KIAA2012: variants seen among roughly 807,000 people sequenced by gnomAD.
The protein encoded by KIAA2012 is uncharacterized protein KIAA2012.
KIAA2012 carries 125 observed loss-of-function variants against 150.6 expected under a neutral mutation model. That is an observed-to-expected ratio of 0.83 (90% CI 0.72 to 0.96). The LOEUF is 0.96. Among genes scored for constraint, KIAA2012 ranks in the 40% least tolerant of loss-of-function variants. The pLI, the probability that KIAA2012 is intolerant of heterozygous loss-of-function variation, is 0.00. For synonymous variants in KIAA2012, 462 were observed against 504.7 expected, an observed-to-expected ratio of 0.92 and a Z score of 1.13; for missense variants, 1,219 against 1,354.9, an observed-to-expected ratio of 0.90 and a Z score of 1.57.
chr2:202,202,889 T>C (rs1425026454), intron 23 of KIAA2012, among the ~76,000 whole-genome samples: 1 of 151,238 alleles, frequency 6.6e-6, no homozygotes, highest in African/African-American at 2.4e-5. Flanking sequence ...ACGGTGCCAC[T>C]GTACTGCAGC....
intron 4 of KIAA2012, among the ~76,000 whole-genome samples, chr2:202,097,008 C>T (rs1040130098): frequency 1.4e-4 from 22 of 152,204 alleles, no homozygotes; most frequent in African/African-American, 4.8e-4. Flanking sequence ...TTGCTTCAGG[C>T]TGAGCACCTC....
intron 5 of KIAA2012, among the ~76,000 whole-genome samples, chr2:202,098,246 G>C (rs945886798): frequency 6.6e-6 from 1 of 152,184 alleles, no homozygotes; most frequent in Admixed American, 6.5e-5. Flanking sequence ...TGTAATCCCA[G>C]CTACTCAGAA....
intron 15 of KIAA2012, among the ~76,000 whole-genome samples, chr2:202,180,932 T>A (rs935468729): frequency 2.0e-5 from 3 of 152,242 alleles, no homozygotes; most frequent in Non-Finnish European, 4.4e-5. Flanking sequence ...TTTGGTTAAG[T>A]CACTTATGGT....
At chr2:202,145,753 C>T (rs1280261916) in intron 13 of KIAA2012, among the ~76,000 whole-genome samples, 2 of 138,940 alleles carry the variant, frequency 1.4e-5, no homozygotes, top group African/African-American at 2.7e-5. Context: ...GGTACAGTCT[C>T]GGCCCACTGC....
chr2:202,124,222 G>A (rs554362876), intron 11 of KIAA2012, among the ~76,000 whole-genome samples: 4 of 151,972 alleles, frequency 2.6e-5, no homozygotes, highest in South Asian at 4.2e-4. Flanking sequence ...CCTTCATATA[G>A]GACCCACTCA....
Position 202,180,162 on chromosome 2 carries a change from T to G in KIAA2012, c.2120-4591T>G, listed in dbSNP as rs540353451. ...GGTGCATGCCTATAATCCCAGCTATTCGGGAGGCTGAGGCAGGAGAATCAC... is the reference window on the plus strand; with the variant it reads ...GGTGCATGCCTATAATCCCAGCTATGCGGGAGGCTGAGGCAGGAGAATCAC... On this transcript the variant is annotated intron_variant, in intron 15 of 23. Transcript: ENST00000498697. 2.0e-5 allele frequency among the ~76,000 whole-genome samples: 3 copies of G among 151,396 alleles called. No individual in the cohort carries two copies. The East Asian group carries it at 5.9e-4, about 30-fold the overall frequency.
At chr2:202,089,391 G>T (rs944369232) in intron 2 of KIAA2012, among the ~76,000 whole-genome samples, 2 of 152,182 alleles carry the variant, frequency 1.3e-5, no homozygotes, top group African/African-American at 2.4e-5. Flanking sequence ...TTTATTTATT[G>T]TTTTGACATC....
intron 13 of KIAA2012, among the ~76,000 whole-genome samples, chr2:202,138,864 C>T (rs1219389442): frequency 6.6e-6 from 1 of 152,124 alleles, no homozygotes. Flanking sequence ...TAGAGATAAA[C>T]ATTAGCAATT....
intron 11 of KIAA2012, chr2:202,113,670 G>T: frequency 3.8e-6 from 2 of 526,290 alleles, no homozygotes; most frequent in Non-Finnish European, 6.8e-6. Flanking sequence ...GGAGAGAGAA[G>T]TTCCAGTGGA....
chr2:202,151,056 A>G (rs1249052690), intron 13 of KIAA2012, among the ~76,000 whole-genome samples: 1 of 152,160 alleles, frequency 6.6e-6, no homozygotes, highest in Non-Finnish European at 1.5e-5. Flanking sequence ...CCTAGAAATC[A>G]GGAATTCCAA....
At chr2:202,190,632 G>A in intron 19 of KIAA2012, 139 bp downstream of exon 19, 1 of 681,814 alleles carries the variant, frequency 1.5e-6, no homozygotes, top group Non-Finnish European at 2.4e-6. Context: ...GTTCTACTTT[G>A]GTATCTTCTG....
intron 12 of KIAA2012, among the ~76,000 whole-genome samples, chr2:202,134,675 C>A (rs1427410135): frequency 6.6e-6 from 1 of 152,220 alleles, no homozygotes; most frequent in African/African-American, 2.4e-5. Context: ...TTGCCTCGGC[C>A]TCCCAAGTAG....
chr2:202,160,914 C>T (rs947660296), intron 14 of KIAA2012, among the ~76,000 whole-genome samples: 1 of 152,110 alleles, frequency 6.6e-6, no homozygotes, highest in Non-Finnish European at 1.5e-5. Flanking sequence ...GGCTGGAGGC[C>T]GCACTTCAGA....
Position 202,104,754 on chromosome 2 carries a change from G to C in KIAA2012, c.1325-1007G>C, listed in dbSNP as rs1332539790. On this transcript the variant is annotated intron_variant, in intron 8 of 23. Transcript: ENST00000498697. This position sits in a 1 kb window ranked among gnomAD's most constrained non-coding sequence, Gnocchi z 4.3. ...GTGCATATGACAGGTATGTTCCCAGGTGAGTCATTTACTGTGTCTAGGAAT... is the reference window on the plus strand; with the variant it reads ...GTGCATATGACAGGTATGTTCCCAGCTGAGTCATTTACTGTGTCTAGGAAT... 6.6e-6 allele frequency among the ~76,000 whole-genome samples: 1 copy of C among 152,198 alleles called. No individual in the cohort carries two copies. The highest frequency in any genetic ancestry group is 1.5e-5 in the Non-Finnish European group (1 of 68,040).
intron 13 of KIAA2012, among the ~76,000 whole-genome samples, chr2:202,148,903 T>A (rs376379478): frequency 1.3e-5 from 2 of 152,026 alleles, no homozygotes; most frequent in East Asian, 3.9e-4. Flanking sequence ...TCCTAGGCAG[T>A]CCCATCTCAG....
Position 202,084,738 on chromosome 2 carries a change from G to T in KIAA2012, c.370-6032G>T, listed in dbSNP as rs544726034. Among the ~76,000 whole-genome samples, 33 of 152,280 alleles carry T rather than the reference G, an allele frequency of 2.2e-4. No individual in the cohort carries two copies. In the South Asian group the frequency reaches 6.0e-3, roughly 28 times the overall value. ...CTTTAGGGAAGAACTAAGGAAATAT[G>T]CATGAGAAGAGGGTGGGTGCCAGAA... is the stretch of plus-strand genomic sequence containing the variant. On this transcript the variant is annotated intron_variant, in intron 2 of 23. Coordinates refer to ENST00000498697, the MANE Select transcript of KIAA2012 (RefSeq NM_001277372.4).
At chr2:202,171,701 C>G (rs997359621) in intron 15 of KIAA2012, among the ~76,000 whole-genome samples, 1 of 152,154 alleles carries the variant, frequency 6.6e-6, no homozygotes, top group Non-Finnish European at 1.5e-5. Context: ...GAAAAGCAGG[C>G]ACGCATAGTC....
intron 12 of KIAA2012, chr2:202,138,146 A>G (rs1347608793): frequency 9.2e-6 from 2 of 217,686 alleles, no homozygotes; most frequent in African/African-American, 4.6e-5. Flanking sequence ...CTGAATTTTA[A>G]TAGCATAAAG....
chr2:202,177,089 C>T lies in KIAA2012; in HGVS notation c.2120-7664C>T, dbSNP rs149037300. ...TTTAAATGGTCACATATTTATACAA[C>T]GGAATACTATATGATAGCTGAAAAT... On this transcript the variant is annotated intron_variant, in intron 15 of 23. Transcript: ENST00000498697. 8.9e-3 allele frequency among the ~76,000 whole-genome samples: 1,352 copies of T among 152,122 alleles called. 13 individuals are homozygous for T. The highest frequency in any genetic ancestry group is 0.015 in the Non-Finnish European group (992 of 68,010).
Sources: allele counts gnomAD v4.1 joint callset (sites outside exome capture counted in the v4.1 genomes callset), GRCh38; gene constraint gnomAD v4.1.1; non-coding constraint Gnocchi (gnomAD v3.1); transcripts MANE v1.5; gene names NCBI Gene and HGNC (gene_info 2026-07-23, HGNC 2026-07-21).